DOCK2: variants seen among roughly 807,000 people sequenced by gnomAD.
DOCK2 encodes dedicator of cytokinesis protein 2.
Under a neutral mutation model 248.9 loss-of-function variants are expected in DOCK2, and 87 were observed. That is an observed-to-expected ratio of 0.35 (90% CI 0.29 to 0.42). DOCK2 has a LOEUF of 0.42. Among genes scored for constraint, DOCK2 ranks in the 10% least tolerant of loss-of-function variants. The pLI is 1.00. For missense variants in DOCK2, 1,747 were observed against 2,300.2 expected (o/e 0.76, Z 4.92); for synonymous variants, 805 against 821.6 (o/e 0.98, Z 0.35).
chr5:169,806,067 G>C (rs1767335420), intron 26 of DOCK2, among the ~76,000 whole-genome samples: 1 of 152,110 alleles, frequency 6.6e-6, no homozygotes. Context: ...TTTCTCAAAA[G>C]CTTCTTCAAT....
In DOCK2 at chr5:170,057,639, C is replaced by T. The variant is rs753805658; in HGVS notation, c.4440C>T (p.Arg1480=). Residue 1480 remains arginine, a synonymous_variant, in exon 44 of 52, where the codon CGC becomes CGT. Transcript: ENST00000520908. Reference sequence around the variant, plus strand: ...CATACAAGCTGCCGGGGATCCTGCGCTGGTTTGAGGTGGTGCACATGTCGC... The same window carrying T: ...CATACAAGCTGCCGGGGATCCTGCGTTGGTTTGAGGTGGTGCACATGTCGC... ...VTAYKLPGIL[R]WFEVVHMSQT... The T allele has an allele frequency of 1.7e-5, 28 of 1,613,624 alleles. No individual in the cohort carries two copies. Among genetic ancestry groups the T allele is most frequent in the Middle Eastern group, 1.6e-4 (1 of 6,082 alleles).
intron 1 of DOCK2, among the ~76,000 whole-genome samples, chr5:169,650,494 T>A (rs264878): frequency 0.51 from 76,863 of 152,052 alleles, 19,503 homozygotes; most frequent in Non-Finnish European, 0.53. Flanking sequence ...TGAGCCACTG[T>A]GCTAGAACAA....
chr5:169,991,803 A>T (rs1327702636), intron 29 of DOCK2, among the ~76,000 whole-genome samples: 1 of 151,820 alleles, frequency 6.6e-6, no homozygotes, highest in Non-Finnish European at 1.5e-5. Context: ...TTGGGTCTGG[A>T]CTCTTCTGCT....
chr5:169,653,615 G>T (rs1317715116), intron 1 of DOCK2, among the ~76,000 whole-genome samples: 1 of 152,198 alleles, frequency 6.6e-6, no homozygotes, highest in Non-Finnish European at 1.5e-5. Flanking sequence ...TCGGGGAGGA[G>T]CATGGGCCCA....
At chr5:169,914,162 G>A (rs1774753753) in intron 27 of DOCK2, among the ~76,000 whole-genome samples, 1 of 152,090 alleles carries the variant, frequency 6.6e-6, no homozygotes, top group East Asian at 1.9e-4. Flanking sequence ...AGCAAACCTT[G>A]GCTCCAACAA....
In DOCK2 at chr5:169,763,900, A is replaced by G. The variant is rs764748491; in HGVS notation, c.2554+2275A>G. 6.6e-6 allele frequency among the ~76,000 whole-genome samples: 1 copy of G among 152,194 alleles called. No individual in the cohort carries two copies. The highest frequency in any genetic ancestry group is 6.5e-5 in the Admixed American group (1 of 15,282). On this transcript the variant is annotated intron_variant, in intron 25 of 51. Coordinates refer to ENST00000520908, the MANE Select transcript of DOCK2 (RefSeq NM_004946.3). The surrounding 1 kb of genome is among the most constrained non-coding windows in gnomAD (Gnocchi z 4.1). Reference sequence around the variant, plus strand: ...ATGACCTTATTCACAGCTGAAAGGTAACTCCTCTCCCACCATCTATTTGCT... The same window carrying G: ...ATGACCTTATTCACAGCTGAAAGGTGACTCCTCTCCCACCATCTATTTGCT...
At chr5:170,025,227 A>C (rs1755862038) in intron 33 of DOCK2, among the ~76,000 whole-genome samples, 5 of 152,222 alleles carry the variant, frequency 3.3e-5, no homozygotes, top group Admixed American at 3.3e-4. Context: ...CATTGTATTG[A>C]TAAGGGGTAG....
intron 27 of DOCK2, among the ~76,000 whole-genome samples, chr5:169,933,738 C>A (rs937769337): frequency 1.3e-5 from 2 of 152,152 alleles, no homozygotes; most frequent in African/African-American, 4.8e-5. Context: ...ACACCCACTT[C>A]TCAGACTTCC....
chr5:169,898,859 G>A (rs261061), intron 27 of DOCK2, among the ~76,000 whole-genome samples: 30,769 of 152,126 alleles, frequency 0.2, 4,493 homozygotes, highest in African/African-American at 0.41. Context: ...GTTTGCTGCC[G>A]TTGTGTAAAG....
At chr5:169,947,502 C>T (rs1332890754) in intron 27 of DOCK2, among the ~76,000 whole-genome samples, 1 of 152,178 alleles carries the variant, frequency 6.6e-6, no homozygotes, top group Non-Finnish European at 1.5e-5. Context: ...AGCTTCCTGC[C>T]CAGGGCCACG....
chr5:170,070,622 G>A (rs1185344335), intron 46 of DOCK2, among the ~76,000 whole-genome samples: 4 of 152,270 alleles, frequency 2.6e-5, no homozygotes, highest in African/African-American at 9.6e-5. Flanking sequence ...AAGCAGGAAG[G>A]CCAGGCTTTG....
At chr5:169,693,443 T>C (rs556986539) in intron 9 of DOCK2, among the ~76,000 whole-genome samples, 10 of 152,176 alleles carry the variant, frequency 6.6e-5, no homozygotes, top group African/African-American at 2.4e-4. Context: ...GTAGAACTAA[T>C]AGGGTAGGAA....
At chr5:169,656,556 G>A (rs545243882) in intron 2 of DOCK2, among the ~76,000 whole-genome samples, 9 of 152,168 alleles carry the variant, frequency 5.9e-5, no homozygotes, top group African/African-American at 1.7e-4. Flanking sequence ...TAGGTGATTC[G>A]TGCACCTCGG....
chr5:169,650,527 TC>T (rs1757745520), intron 1 of DOCK2, among the ~76,000 whole-genome samples: 1 of 152,218 alleles, frequency 6.6e-6, no homozygotes. Context: ...TCACCTTAGC[TC>T]CCTCTATTTG....
At position 169,761,526 on chromosome 5, in the gene DOCK2, C is replaced by A; in HGVS notation, c.2455C>A (p.Leu819Met). 2 of 1,613,526 alleles carry A rather than the reference C, an allele frequency of 1.2e-6. No individual in the cohort carries two copies. Among genetic ancestry groups the A allele is most frequent in the Non-Finnish European group, 1.7e-6 (2 of 1,179,750 alleles). ...TATTTTTCCTGCCCTCAGCCAACTC[C>A]TGTATGAGTTCTACACCTGCATCCC... Reference protein sequence around the residue: ...VFDAKLLSQLLYEFYTCIPPV... With the variant: ...VFDAKLLSQLMYEFYTCIPPV... The change falls in exon 25 of 52, where the codon CTG becomes ATG. Residue 819 changes from leucine to methionine, a missense_variant. Around this residue, in one of 4 missense-constraint regions of DOCK2, gnomAD observed 858 missense variants for 1,183.5 expected, o/e 0.72. Transcript: ENST00000520908.
intron 1 of DOCK2, among the ~76,000 whole-genome samples, chr5:169,651,181 G>C (rs528782075): frequency 2.0e-4 from 31 of 152,202 alleles, no homozygotes; most frequent in African/African-American, 7.2e-4. Context: ...AACAGAATTG[G>C]GTATTCATAG....
At chr5:169,927,046 G>A (rs1299259042) in intron 27 of DOCK2, among the ~76,000 whole-genome samples, 1 of 152,316 alleles carries the variant, frequency 6.6e-6, no homozygotes, top group South Asian at 2.1e-4. Flanking sequence ...GCTTCCCAGG[G>A]TGCCAGACCA....
chr5:169,687,662 T>G (rs935527847), intron 8 of DOCK2, among the ~76,000 whole-genome samples: 1 of 152,238 alleles, frequency 6.6e-6, no homozygotes, highest in Non-Finnish European at 1.5e-5. Flanking sequence ...GCAAACTATA[T>G]TAAGCTTCTT....
intron 29 of DOCK2, among the ~76,000 whole-genome samples, chr5:169,992,588 C>T (rs1778236374): frequency 6.6e-6 from 1 of 152,118 alleles, no homozygotes; most frequent in East Asian, 1.9e-4. Flanking sequence ...CCTCAGCCTC[C>T]CGAGTAGCTG....
Sources: gnomAD v4.1 joint callset for allele counts (sites outside exome capture counted in the v4.1 genomes callset) on GRCh38, gnomAD v4.1.1 for gene constraint, gnomAD v4.1.1 regional missense constraint, Gnocchi (gnomAD v3.1) non-coding constraint, MANE v1.5 for transcripts, NCBI Gene and HGNC (gene_info 2026-07-23, HGNC 2026-07-21) for gene names.